COX16: variants seen among roughly 807,000 people sequenced by gnomAD.
COX16 encodes cytochrome c oxidase assembly protein COX16 homolog, mitochondrial.
In COX16, 12 loss-of-function variants were observed where a neutral mutation model predicts 15.4. That is an observed-to-expected ratio of 0.78 (90% CI 0.50 to 1.26). The LOEUF (loss-of-function observed/expected upper bound fraction) is 1.26. Ranked by LOEUF, COX16 falls within the 50% of genes most tolerant of loss-of-function variation. The pLI is 0.00. For synonymous variants in COX16, 46 were observed against 41.1 expected, an observed-to-expected ratio of 1.12 and a Z score of -0.46; for missense variants, 124 against 127.6, an observed-to-expected ratio of 0.97 and a Z score of 0.14.
intron 1 of COX16, among the ~76,000 whole-genome samples, chr14:70,352,702 G>A (rs1886998792): frequency 7.4e-6 from 1 of 134,820 alleles, no homozygotes; most frequent in South Asian, 2.4e-4. Flanking sequence ...CTGGAGTGCA[G>A]TGGCGCGATC....
chr14:70,340,911 GT>G (rs1886606080), intron 2 of COX16, among the ~76,000 whole-genome samples: 1 of 152,114 alleles, frequency 6.6e-6, no homozygotes, highest in Non-Finnish European at 1.5e-5. Context: ...TGAACGTCTA[GT>G]AATGGCATTT....
At chr14:70,357,411 A>G (rs1447986614) in intron 1 of COX16, among the ~76,000 whole-genome samples, 1 of 152,176 alleles carries the variant, frequency 6.6e-6, no homozygotes, top group Non-Finnish European at 1.5e-5. Flanking sequence ...GCTCTGAGCA[A>G]GTAAGAAGTG....
chr14:70,356,736 T>C (rs1482888958), intron 1 of COX16, among the ~76,000 whole-genome samples: 1 of 141,664 alleles, frequency 7.1e-6, no homozygotes, highest in East Asian at 2.1e-4. Flanking sequence ...CATGGTGGAG[T>C]ATCTCCAAAA....
intron 1 of COX16, among the ~76,000 whole-genome samples, chr14:70,343,241 AG>A (rs1305188350): frequency 6.6e-6 from 1 of 152,206 alleles, no homozygotes; most frequent in African/African-American, 2.4e-5. Flanking sequence ...GCAGATGCCT[AG>A]CTATAACCAA....
chr14:70,351,351 A>G (rs1488405965), intron 1 of COX16, among the ~76,000 whole-genome samples: 1 of 151,294 alleles, frequency 6.6e-6, no homozygotes, highest in Non-Finnish European at 1.5e-5. Context: ...AATACACACA[A>G]AAGTGTATAT....
At chr14:70,357,684 A>C (rs1004801847) in intron 1 of COX16, among the ~76,000 whole-genome samples, 2 of 152,240 alleles carry the variant, frequency 1.3e-5, no homozygotes, top group Non-Finnish European at 1.5e-5. Flanking sequence ...GAAAATCAAA[A>C]CCACAATGAG....
In COX16 at chr14:70,352,376, G is replaced by A. The variant is rs532905039; in HGVS notation, c.69+7143C>T. Among the ~76,000 whole-genome samples the A allele has an allele frequency of 7.3e-5, 11 of 151,672 alleles. No individual in the cohort carries two copies. In the South Asian group the frequency reaches 2.3e-3, roughly 32 times the overall value. On this transcript the variant is annotated intron_variant, in intron 1 of 3. Coordinates refer to ENST00000389912, the MANE Select transcript of COX16 (RefSeq NM_016468.7). ...TAATTTTTGTATTTTCACTAGATAC[G>A]GGGTTTCACCATGTTGCCCAGGCTG...
At chr14:70,326,963 C>CT (rs993829365) in intron 3 of COX16, among the ~76,000 whole-genome samples, 6 of 152,268 alleles carry the variant, frequency 3.9e-5, no homozygotes, top group Admixed American at 2.0e-4. Flanking sequence ...TTTTGGGCAA[C>CT]TGAAACTAAC....
chr14:70,338,237 C>T (rs188107605), intron 2 of COX16, among the ~76,000 whole-genome samples: 110 of 152,268 alleles, frequency 7.2e-4, no homozygotes, highest in Admixed American at 1.2e-3. Context: ...GATCAGCCTC[C>T]GAGTAGCTGG....
chr14:70,331,218 G>C (rs896803202), intron 2 of COX16, among the ~76,000 whole-genome samples: 1 of 152,108 alleles, frequency 6.6e-6, no homozygotes, highest in Admixed American at 6.6e-5. Flanking sequence ...ATATTGGCTA[G>C]GATGGTCTTG....
intron 2 of COX16, among the ~76,000 whole-genome samples, chr14:70,340,974 T>A (rs907598182): frequency 1.3e-5 from 2 of 152,222 alleles, no homozygotes; most frequent in African/African-American, 4.8e-5. Flanking sequence ...ATTAGCTGTC[T>A]TCCAGCCTCA....
chr14:70,329,696 C>A, intron 2 of COX16, among the ~76,000 whole-genome samples: 1 of 144,298 alleles, frequency 6.9e-6, no homozygotes. Flanking sequence ...GGAATACCTT[C>A]CATGGGCCAG....
intron 1 of COX16, among the ~76,000 whole-genome samples, chr14:70,356,208 G>A (rs1005846732): frequency 7.8e-5 from 10 of 127,502 alleles, no homozygotes; most frequent in Admixed American, 7.6e-4. Flanking sequence ...AGATGGTGGC[G>A]GGGGTGGGGG....
At chr14:70,340,041 T>A (rs1227614907) in intron 2 of COX16, among the ~76,000 whole-genome samples, 2 of 152,226 alleles carry the variant, frequency 1.3e-5, no homozygotes, top group Non-Finnish European at 2.9e-5. Flanking sequence ...TCCCCTGTTC[T>A]CCTTAACTGG....
intron 3 of COX16, among the ~76,000 whole-genome samples, 165 bp downstream of exon 3, chr14:70,329,009 T>C (rs568802997): frequency 6.6e-6 from 1 of 151,584 alleles, no homozygotes; most frequent in South Asian, 2.1e-4. Context: ...TTATTTGTAG[T>C]ATATTAAGTA....
At chr14:70,326,470 A>G (rs975507743) in intron 3 of COX16, 21 bp from the exon 4 acceptor site, 5 of 1,553,712 alleles carry the variant, frequency 3.2e-6, no homozygotes, top group South Asian at 1.2e-5. Flanking sequence ...ACAAAAAATT[A>G]AAGTATAAAT....
At chr14:70,337,861 G>C (rs1320019640) in intron 2 of COX16, among the ~76,000 whole-genome samples, 2 of 151,826 alleles carry the variant, frequency 1.3e-5, no homozygotes, top group African/African-American at 4.8e-5. Context: ...CAAAAAAGAG[G>C]TTTAGTGACT....
intron 2 of COX16, among the ~76,000 whole-genome samples, chr14:70,331,835 C>T (rs183749922): frequency 2.7e-5 from 2 of 73,508 alleles, no homozygotes; most frequent in Non-Finnish European, 5.8e-5. Flanking sequence ...ACCAAGATGG[C>T]AGAATAGAAG....
chr14:70,359,447 C>A (rs1281933417), intron 1 of COX16, 72 bp downstream of exon 1: 3 of 1,353,034 alleles, frequency 2.2e-6, no homozygotes, highest in South Asian at 1.2e-5. Context: ...TTTACAGATT[C>A]CCTCCCAGGT....
Sources: gnomAD v4.1 joint callset for allele counts (sites outside exome capture counted in the v4.1 genomes callset) on GRCh38, gnomAD v4.1.1 for gene constraint, MANE v1.5 for transcripts, NCBI Gene and HGNC (gene_info 2026-07-23, HGNC 2026-07-21) for gene names.